The following ZBBX variants were observed in gnomAD, a reference collection of about 807,000 sequenced individuals.
The protein encoded by ZBBX is zinc finger B-box domain-containing protein 1.
A neutral mutation model predicts 108.5 loss-of-function variants in ZBBX; 101 were observed. The observed-to-expected ratio is 0.93, with a 90% CI of 0.79 to 1.10. The LOEUF is 1.10. Among genes scored for constraint, ZBBX ranks in the 50% least tolerant of loss-of-function variants. The probability of loss-of-function intolerance (pLI) is 0.00; values close to 1 mark genes in which losing one functional copy is unlikely to be tolerated. For synonymous variants in ZBBX, 356 were observed against 323.4 expected (o/e 1.10, Z -1.08); for missense variants, 1,009 against 941.4 (o/e 1.07, Z -0.94).
intron 5 of ZBBX, among the ~76,000 whole-genome samples, chr3:167,367,786 T>C (rs1162676622): frequency 1.3e-5 from 2 of 151,320 alleles, no homozygotes; most frequent in Non-Finnish European, 3.0e-5. Context: ...CATCACATAA[T>C]TATTAGTTCT....
At chr3:167,198,259 G>T in the ZBBX span, among the ~76,000 whole-genome samples, 1 of 151,398 alleles carries the variant, frequency 6.6e-6, no homozygotes, top group Non-Finnish European at 1.5e-5. Flanking sequence ...TTTCCTTTTT[G>T]GTTTACAATA....
rs575231019 is a variant in ZBBX, at chr3:167,272,791, A to G, written c.2254+9447T>C. Reference sequence around the variant, plus strand: ...CCCCTACCAAGACTCTTGTTCCTTAACAAATGTAGGAAAACAAGTCTGTCA... The same window carrying G: ...CCCCTACCAAGACTCTTGTTCCTTAGCAAATGTAGGAAAACAAGTCTGTCA... On this transcript the variant is annotated intron_variant, in intron 20 of 21. Transcript: ENST00000675490. 3.3e-5 allele frequency among the ~76,000 whole-genome samples: 5 copies of G among 152,304 alleles called. No homozygotes were observed. In the South Asian group the frequency reaches 1.0e-3, roughly 32 times the overall value.
At chr3:167,306,235 G>C (rs774139726) in intron 16 of ZBBX, among the ~76,000 whole-genome samples, 1 of 152,054 alleles carries the variant, frequency 6.6e-6, no homozygotes, top group Non-Finnish European at 1.5e-5. Context: ...TTTTATTTCA[G>C]CCTGTGGTTC....
At chr3:167,315,446 T>C (rs1276028089) in intron 15 of ZBBX, among the ~76,000 whole-genome samples, 1 of 152,144 alleles carries the variant, frequency 6.6e-6, no homozygotes, top group African/African-American at 2.4e-5. Flanking sequence ...ATATGAAACA[T>C]ATCAAAGTTG....
intron 5 of ZBBX, 68 bp from the exon 6 acceptor site, chr3:167,366,044 A>G: frequency 8.1e-7 from 1 of 1,234,994 alleles, no homozygotes. Flanking sequence ...GAAAAGAAAT[A>G]CAGTGTTCCT....
At chr3:167,349,508 AT>A (rs1742276859) in intron 9 of ZBBX, among the ~76,000 whole-genome samples, 1 of 151,980 alleles carries the variant, frequency 6.6e-6, no homozygotes, top group Non-Finnish European at 1.5e-5. Flanking sequence ...TATATTTTAC[AT>A]TTTGTGGTTA....
the ZBBX span, among the ~76,000 whole-genome samples, chr3:167,191,932 TATAG>T: frequency 9.4e-5 from 12 of 128,042 alleles, no homozygotes; most frequent in African/African-American, 3.2e-4. Flanking sequence ...TATATATATA[TATAG>T]AGCAAGTTAT....
At chr3:167,235,529 T>A (rs1249768102), downstream of ZBBX, among the ~76,000 whole-genome samples, 1 of 145,894 alleles carries the variant, frequency 6.9e-6, no homozygotes, top group Non-Finnish European at 1.5e-5. Flanking sequence ...AAAATGTGAA[T>A]ATATATATAT....
intron 20 of ZBBX, among the ~76,000 whole-genome samples, chr3:167,247,139 T>A (rs1721712584): frequency 6.6e-6 from 1 of 152,060 alleles, no homozygotes; most frequent in Non-Finnish European, 1.5e-5. Context: ...CACATCCCCA[T>A]CCTGGGCCTA....
At chr3:167,182,503 G>A in the ZBBX span, among the ~76,000 whole-genome samples, 98 of 152,164 alleles carry the variant, frequency 6.4e-4, no homozygotes, top group Non-Finnish European at 9.3e-4. Flanking sequence ...CTCCTGAAGC[G>A]ATTTTTTCCT....
chr3:167,402,222 A>G (rs1337154743), intron 1 of ZBBX, among the ~76,000 whole-genome samples: 2 of 152,228 alleles, frequency 1.3e-5, no homozygotes, highest in Admixed American at 6.5e-5. Context: ...GACAGAAATC[A>G]TTCAATCTGC....
chr3:167,373,321 G>T (rs1560199372), intron 3 of ZBBX, among the ~76,000 whole-genome samples: 1 of 152,152 alleles, frequency 6.6e-6, no homozygotes, highest in Non-Finnish European at 1.5e-5. Context: ...TTTGGTGTTT[G>T]CAGGGTGTGA....
chr3:167,402,594 A>G (rs1748458824), intron 1 of ZBBX, among the ~76,000 whole-genome samples: 1 of 152,148 alleles, frequency 6.6e-6, no homozygotes, highest in African/African-American at 2.4e-5. Context: ...ACTCACGCGC[A>G]AGGGAAAAAA....
At chr3:167,183,868 G>A in the ZBBX span, among the ~76,000 whole-genome samples, 2 of 152,116 alleles carry the variant, frequency 1.3e-5, no homozygotes, top group Non-Finnish European at 2.9e-5. Context: ...CAGATTTGGG[G>A]ACCTGTTTAT....
intron 18 of ZBBX, among the ~76,000 whole-genome samples, chr3:167,295,746 TATATATATATATAA>T (rs1249027134): frequency 0.014 from 215 of 15,888 alleles, 19 homozygotes; most frequent in African/African-American, 0.039. Flanking sequence ...TATATATATA[TATATATATATATAA>T]AAAAAACTAG....
chr3:167,207,495 C>G, the ZBBX span, among the ~76,000 whole-genome samples: 1 of 152,004 alleles, frequency 6.6e-6, no homozygotes, highest in South Asian at 2.1e-4. Context: ...GGCTATATAC[C>G]CAAAGAAGGC....
chr3:167,315,084 T>A (rs1735214373), intron 15 of ZBBX, among the ~76,000 whole-genome samples: 1 of 152,126 alleles, frequency 6.6e-6, no homozygotes, highest in South Asian at 2.1e-4. Flanking sequence ...GACGGGGGCC[T>A]AAACTGATCT....
At chr3:167,207,600 C>T in the ZBBX span, among the ~76,000 whole-genome samples, 1 of 152,118 alleles carries the variant, frequency 6.6e-6, no homozygotes, top group Admixed American at 6.6e-5. Flanking sequence ...ATGTCATTTA[C>T]AGCAACATGG....
chr3:167,283,516 T>C (rs1323656743), intron 19 of ZBBX, among the ~76,000 whole-genome samples: 1 of 152,202 alleles, frequency 6.6e-6, no homozygotes, highest in African/African-American at 2.4e-5. Flanking sequence ...AAACCCTAAT[T>C]TGATGGAACC....
Sources: allele counts gnomAD v4.1 joint callset (sites outside exome capture counted in the v4.1 genomes callset), GRCh38; gene constraint gnomAD v4.1.1; transcripts MANE v1.5; gene names NCBI Gene and HGNC (gene_info 2026-07-23, HGNC 2026-07-21).